Variants in ZNF791 observed in about 807,000 individuals in gnomAD.
ZNF791 encodes the protein zinc finger protein 791.
ZNF791 carries 4 observed loss-of-function variants against 11.5 expected under a neutral mutation model. The ratio of observed to expected loss-of-function variants is 0.35; its 90% CI spans 0.17 to 0.80. ZNF791 has a LOEUF of 0.80. Among genes scored for constraint, ZNF791 ranks in the 30% least tolerant of loss-of-function variants. ZNF791 has a pLI of 0.53. For missense variants in ZNF791, 559 were observed against 699.4 expected (o/e 0.80, Z 2.26); for synonymous variants, 212 against 228.1 (o/e 0.93, Z 0.64).
rs780305264 is a variant in ZNF791 at position 12,629,266 on chromosome 19, CTA to C, written c.*9_*10del. ...TGAGAATGCACAATCGATAGAAACT[CTA>C]TAAATGTGAGAAATAGGAGAAAGTT... is the stretch of plus-strand genomic sequence containing the variant. On this transcript the variant is annotated 3_prime_UTR_variant, in exon 4 of 4. Coordinates refer to ENST00000343325, the MANE Select transcript of ZNF791 (RefSeq NM_153358.3). 1 of 1,435,466 alleles carries C rather than the reference CTA, an allele frequency of 7.0e-7. No homozygotes were observed. The highest frequency in any genetic ancestry group is 9.2e-7 in the Non-Finnish European group (1 of 1,090,704). The allele number at this position is 1,435,466 out of a possible 1,614,324, so 88.9% of individuals were successfully genotyped here. A position where few individuals can be genotyped will look rare whatever the true frequency, so the allele number is the denominator to read the frequency against.
rs2023503169 is a variant in ZNF791 at position 12,631,736 on chromosome 19, A to G, written c.*2476A>G. The G allele has an allele frequency of 6.6e-6, 1 of 151,438 alleles. No homozygotes were observed. Among genetic ancestry groups the G allele is most frequent in the African/African-American group, 2.4e-5 (1 of 40,922 alleles). The allele number at this position is 151,438 out of a possible 1,614,324, so 9.4% of individuals were successfully genotyped here. On this transcript the variant is annotated 3_prime_UTR_variant, in exon 4 of 4. Coordinates refer to ENST00000343325, the MANE Select transcript of ZNF791 (RefSeq NM_153358.3). Reference sequence around the variant, plus strand: ...AACAGAGCAAGACTCCATCCCACACACCAAAAAAAAGTTAAAAATTTTTTA... The same window carrying G: ...AACAGAGCAAGACTCCATCCCACACGCCAAAAAAAAGTTAAAAATTTTTTA...
intron 2 of ZNF791, among the ~76,000 whole-genome samples, chr19:12,624,158 C>G (rs1238860519): frequency 8.1e-6 from 1 of 124,076 alleles, no homozygotes; most frequent in Non-Finnish European, 1.7e-5. Flanking sequence ...GCCTGGCCTT[C>G]TTTTTTTTTT....
At chr19:12,618,383 C>T (rs2023279679) in intron 1 of ZNF791, among the ~76,000 whole-genome samples, 1 of 152,216 alleles carries the variant, frequency 6.6e-6, no homozygotes, top group Non-Finnish European at 1.5e-5. Context: ...TGGTGATGCA[C>T]ACCTGTAGTC....
intron 1 of ZNF791, among the ~76,000 whole-genome samples, chr19:12,619,720 A>G (rs576806478): frequency 6.6e-6 from 1 of 151,944 alleles, no homozygotes; most frequent in Admixed American, 6.6e-5. Context: ...AAGTGCTGGG[A>G]TTACAGGCGT....
chr19:12,628,448 A>T lies in ZNF791; in HGVS notation c.919A>T (p.Lys307Ter). The change falls in exon 4 of 4, where the codon AAA (lysine) becomes TAA (stop). Residue 307 changes from lysine to a stop codon, truncating the protein, a stop_gained. Transcript: ENST00000343325. LOFTEE classifies it low-confidence loss of function (END_TRUNC). ...EKPYKCKQCG[K>*]AFRCSTSIQI... is the part of the protein sequence containing the mutation. ...ACCCTATAAATGTAAACAATGTGGT[A>T]AAGCCTTCAGATGTTCCACCTCCAT... The T allele has an allele frequency of 6.2e-7, 1 of 1,612,174 alleles. No homozygotes were observed. The highest frequency in any genetic ancestry group is 8.5e-7 in the Non-Finnish European group (1 of 1,178,910).
At chr19:12,614,908 T>TTTTTTTTTTG in intron 1 of ZNF791, among the ~76,000 whole-genome samples, 1 of 133,000 alleles carries the variant, frequency 7.5e-6, no homozygotes, top group Admixed American at 7.5e-5. Flanking sequence ...TTTTTTTTTT[T>TTTTTTTTTTG]TTTTTTTTTT....
chr19:12,613,119 G>A (rs892426913), intron 1 of ZNF791, among the ~76,000 whole-genome samples: 13 of 151,908 alleles, frequency 8.6e-5, no homozygotes, highest in Non-Finnish European at 1.8e-4. Flanking sequence ...CACTATGCCC[G>A]GCTAATTTTT....
Position 12,628,593 on chromosome 19 carries a change from C to CCTCCAGTTT in ZNF791, c.1066_1067insCCAGTTTCT (p.Pro355_Tyr356insSerSerPhe). 2 of 1,601,142 alleles carry CCTCCAGTTT rather than the reference C, an allele frequency of 1.2e-6. No homozygotes were observed. The highest frequency in any genetic ancestry group is 1.7e-6 in the Non-Finnish European group (2 of 1,174,728). The stretch of plus-strand genomic sequence containing the variant: ...GTGAGAGTGCATACTGGAGAGAAAC[C>CCTCCAGTTT]CTATAAGTGTAAAGAATGTGGGAAA... On this transcript the variant is annotated inframe_insertion, in exon 4 of 4. Coordinates refer to ENST00000343325, the MANE Select transcript of ZNF791 (RefSeq NM_153358.3).
intron 1 of ZNF791, chr19:12,623,243 TATAC>T (rs2023380129): frequency 6.4e-6 from 1 of 155,762 alleles, no homozygotes; most frequent in African/African-American, 2.4e-5. Context: ...CTACAAAAAA[TATAC>T]ACAAAATACT....
chr19:12,625,791 A>G (rs2023418391), intron 3 of ZNF791, among the ~76,000 whole-genome samples: 1 of 150,824 alleles, frequency 6.6e-6, no homozygotes, highest in African/African-American at 2.4e-5. Context: ...TCTCAAAAAA[A>G]AAAAAAAAGA....
chr19:12,621,714 C>CGGG (rs1028468268), intron 1 of ZNF791, among the ~76,000 whole-genome samples: 44 of 74,946 alleles, frequency 5.9e-4, no homozygotes, highest in African/African-American at 1.2e-3. Flanking sequence ...ACCTCCACCT[C>CGGG]GGTGGGGGGT....
rs946655079 is a variant in ZNF791, at chr19:12,624,664, G to A, written c.145G>A (p.Asp49Asn). The A allele has an allele frequency of 4.2e-5, 68 of 1,606,046 alleles. No individual in the cohort carries two copies. The highest frequency in any genetic ancestry group is 5.4e-5 in the Non-Finnish European group (64 of 1,175,864). The change falls in exon 3 of 4, where the codon GAC (aspartate) becomes AAC (asparagine). Residue 49 changes from aspartate to asparagine, a missense_variant. Transcript: ENST00000343325. ...NLASIGEKWE[D>N]PNVEDQHKNQ... is the part of the protein sequence containing the mutation. Reference sequence around the variant, plus strand: ...CTACATTTTAGGGGAAAAATGGGAAGACCCGAATGTTGAAGATCAACACAA... The same window carrying A: ...CTACATTTTAGGGGAAAAATGGGAAAACCCGAATGTTGAAGATCAACACAA...
At position 12,628,594 on chromosome 19, in the gene ZNF791, C is replaced by T. The variant is rs762486787; in HGVS notation, c.1065C>T (p.Pro355=). 6.2e-7 allele frequency: 1 copy of T among 1,601,370 alleles called. No homozygotes were observed. Among genetic ancestry groups the T allele is most frequent in the Non-Finnish European group, 8.5e-7 (1 of 1,174,788 alleles). ...TGAGAGTGCATACTGGAGAGAAACC[C>T]TATAAGTGTAAAGAATGTGGGAAAG... ...VHVRVHTGEK[P]YKCKECGKAF... is the part of the protein sequence containing the mutation. The change falls in exon 4 of 4, where the codon CCC becomes CCT. Residue 355 remains proline (P), a synonymous_variant. Coordinates refer to ENST00000343325, the MANE Select transcript of ZNF791 (RefSeq NM_153358.3).
In ZNF791 at chr19:12,623,870, T is replaced by TGGA; in HGVS notation, c.130+46_130+47insAGG. 1.3e-5 allele frequency: 9 copies of TGGA among 715,328 alleles called. 2 individuals carry two copies. The highest frequency in any genetic ancestry group is 3.0e-5 in the East Asian group (1 of 33,872). The allele number at this position is 715,328 out of a possible 1,614,324, so 44.3% of individuals were successfully genotyped here. On this transcript the variant is annotated intron_variant, in intron 2 of 3. Coordinates refer to ENST00000343325, the MANE Select transcript of ZNF791 (RefSeq NM_153358.3). ...TTTCTTTTTTCTTTTTTTTTTTTTT[T>TGGA]GGGGGGGGACAGAGTTTCACTATTG... is the stretch of plus-strand genomic sequence containing the variant.
At chr19:12,613,657 C>T (rs1282535351) in intron 1 of ZNF791, among the ~76,000 whole-genome samples, 1 of 152,020 alleles carries the variant, frequency 6.6e-6, no homozygotes, top group African/African-American at 2.4e-5. Flanking sequence ...GACTGGGGAG[C>T]AGAGGCCTGA....
chr19:12,623,870 T>TTTTG, intron 2 of ZNF791, 44 bp downstream of exon 2: 3 of 712,924 alleles, frequency 4.2e-6, no homozygotes, highest in African/African-American at 2.1e-5. Flanking sequence ...TTTTTTTTTT[T>TTTTG]GGGGGGGGAC....
intron 1 of ZNF791, among the ~76,000 whole-genome samples, chr19:12,614,028 T>G (rs557057748): frequency 4.8e-4 from 73 of 152,272 alleles, no homozygotes; most frequent in African/African-American, 1.7e-3. Flanking sequence ...ACAGGGTTAA[T>G]GAATTGGGGA....
intron 1 of ZNF791, among the ~76,000 whole-genome samples, chr19:12,619,959 T>C (rs184250062): frequency 6.6e-6 from 1 of 151,264 alleles, no homozygotes. Flanking sequence ...AGTCTCGCTC[T>C]GTCGCCCAGG....
At chr19:12,625,579 G>C (rs1162541814) in intron 3 of ZNF791, among the ~76,000 whole-genome samples, 1 of 150,784 alleles carries the variant, frequency 6.6e-6, no homozygotes, top group African/African-American at 2.4e-5. Context: ...GAGGTCAGGA[G>C]ATCAAGACCA....
Sources: gnomAD v4.1 joint callset for allele counts (sites outside exome capture counted in the v4.1 genomes callset) on GRCh38, gnomAD v4.1.1 for gene constraint, MANE v1.5 for transcripts, NCBI Gene and HGNC (gene_info 2026-07-23, HGNC 2026-07-21) for gene names.